SEPHS1: variants seen among roughly 807,000 people sequenced by gnomAD.
SEPHS1 encodes zincore component SEPHS1.
In SEPHS1, 7 loss-of-function variants were observed where a neutral mutation model predicts 39.2. That is an observed-to-expected ratio of 0.18 (90% CI 0.10 to 0.34). The LOEUF is 0.34. Among genes scored for constraint, SEPHS1 ranks in the 10% least tolerant of loss-of-function variants. SEPHS1 has a pLI of 1.00. For missense variants in SEPHS1, 253 were observed against 514.5 expected, an observed-to-expected ratio of 0.49 and a Z score of 4.92; for synonymous variants, 190 against 195.5, an observed-to-expected ratio of 0.97 and a Z score of 0.23.
At chr10:13,328,949 C>G (rs1368275924) in intron 6 of SEPHS1, among the ~76,000 whole-genome samples, 1 of 152,190 alleles carries the variant, frequency 6.6e-6, no homozygotes, top group Non-Finnish European at 1.5e-5. Context: ...GAGAATTTCT[C>G]TACCCTGCGA....
At chr10:13,335,914 A>C (rs1833615800) in intron 4 of SEPHS1, among the ~76,000 whole-genome samples, 1 of 143,082 alleles carries the variant, frequency 7.0e-6, no homozygotes, top group South Asian at 2.3e-4. Context: ...CGGGAGGCGG[A>C]GGTTGCAGTG....
intron 5 of SEPHS1, among the ~76,000 whole-genome samples, chr10:13,333,197 G>C (rs567560342): frequency 2.0e-5 from 3 of 151,260 alleles, no homozygotes; most frequent in Non-Finnish European, 2.9e-5. Flanking sequence ...GCAGTGGCGC[G>C]ATCTTGGCTC....
intron 6 of SEPHS1, 66 bp downstream of exon 6, chr10:13,329,632 C>T: frequency 7.8e-7 from 1 of 1,273,984 alleles, no homozygotes; most frequent in East Asian, 2.5e-5. Flanking sequence ...TTCCCAAATC[C>T]TCCAACAAAA....
chr10:13,327,195 C>G (rs946564414), intron 7 of SEPHS1, among the ~76,000 whole-genome samples: 2 of 130,736 alleles, frequency 1.5e-5, no homozygotes, highest in East Asian at 4.5e-4. Flanking sequence ...GAGCCGAGAT[C>G]ACACCAATGG....
At chr10:13,322,649 T>A (rs535290583) in intron 8 of SEPHS1, among the ~76,000 whole-genome samples, 186 bp downstream of exon 8, 1 of 152,196 alleles carries the variant, frequency 6.6e-6, no homozygotes, top group South Asian at 2.1e-4. Flanking sequence ...GGCTGCTGGA[T>A]CCACCCAGGA....
intron 1 of SEPHS1, among the ~76,000 whole-genome samples, chr10:13,346,611 T>C (rs911335933): frequency 6.7e-6 from 1 of 149,964 alleles, no homozygotes; most frequent in Non-Finnish European, 1.5e-5. Flanking sequence ...CTTAGAGTTA[T>C]GGGAAAGTTT....
At chr10:13,332,905 T>A (rs190975143) in intron 5 of SEPHS1, among the ~76,000 whole-genome samples, 1 of 151,858 alleles carries the variant, frequency 6.6e-6, no homozygotes, top group Non-Finnish European at 1.5e-5. Context: ...TGACACATGC[T>A]ACAAAATAGA....
chr10:13,339,430 C>T (rs1833726780), intron 2 of SEPHS1, among the ~76,000 whole-genome samples: 1 of 152,042 alleles, frequency 6.6e-6, no homozygotes, highest in Non-Finnish European at 1.5e-5. Flanking sequence ...GTCCCAAGAC[C>T]ACCAGTAGTA....
intron 3 of SEPHS1, among the ~76,000 whole-genome samples, chr10:13,336,704 T>C (rs960181078): frequency 1.8e-4 from 28 of 152,166 alleles, no homozygotes; most frequent in Admixed American, 1.6e-3. Context: ...GAACCGACAG[T>C]CTTGGGGGAA....
intron 8 of SEPHS1, among the ~76,000 whole-genome samples, chr10:13,320,187 ATT>A (rs991848446): frequency 1.4e-5 from 2 of 145,986 alleles, no homozygotes; most frequent in Non-Finnish European, 1.5e-5. Context: ...TAGGCCATAA[ATT>A]TTTTTTTTTT....
chr10:13,340,068 T>C (rs970585634), intron 2 of SEPHS1, among the ~76,000 whole-genome samples: 1 of 152,134 alleles, frequency 6.6e-6, no homozygotes, highest in Admixed American at 6.5e-5. Context: ...CAAGTTTAAA[T>C]CATATCTGAA....
At chr10:13,329,538 T>A in intron 6 of SEPHS1, 160 bp downstream of exon 6, 1 of 545,694 alleles carries the variant, frequency 1.8e-6, no homozygotes, top group Non-Finnish European at 3.2e-6. Context: ...AAAACTGTTA[T>A]TTAAAGACTA....
intron 7 of SEPHS1, 102 bp from the exon 8 acceptor site, chr10:13,323,149 G>T: frequency 1.1e-6 from 1 of 898,838 alleles, no homozygotes; most frequent in South Asian, 1.5e-5. Flanking sequence ...TCAGGGAGAT[G>T]ACGTATCGGA....
chr10:13,338,168 G>A (rs545188530), intron 3 of SEPHS1, among the ~76,000 whole-genome samples: 4 of 152,224 alleles, frequency 2.6e-5, no homozygotes, highest in African/African-American at 7.2e-5. Context: ...TATGTACAGC[G>A]GCACATCACA....
At chr10:13,338,945 C>T in intron 2 of SEPHS1, 137 bp from the exon 3 acceptor site, 2 of 687,930 alleles carry the variant, frequency 2.9e-6, no homozygotes, top group Non-Finnish European at 5.3e-6. Flanking sequence ...CATGTGTTTC[C>T]TATCAAGAAG....
At chr10:13,320,103 ACT>A (rs1398515718) in intron 8 of SEPHS1, among the ~76,000 whole-genome samples, 1 of 152,148 alleles carries the variant, frequency 6.6e-6, no homozygotes, top group African/African-American at 2.4e-5. Context: ...TCCAGTCATG[ACT>A]CTGTCATTAT....
chr10:13,323,912 T>C (rs1194241973), intron 7 of SEPHS1, among the ~76,000 whole-genome samples: 2 of 152,126 alleles, frequency 1.3e-5, no homozygotes, highest in Admixed American at 1.3e-4. Flanking sequence ...ATACTACAGA[T>C]ACACTACATT....
At chr10:13,328,286 GA>G (rs760204176) in intron 7 of SEPHS1, 64 bp downstream of exon 7, 6 of 1,155,124 alleles carry the variant, frequency 5.2e-6, no homozygotes, top group Non-Finnish European at 7.7e-6. Context: ...TATGTGGCCA[GA>G]AAAGCCTAAG....
intron 2 of SEPHS1, among the ~76,000 whole-genome samples, chr10:13,342,739 CTT>C (rs954868189): frequency 1.1e-4 from 16 of 145,064 alleles, no homozygotes; most frequent in Admixed American, 1.4e-4. Flanking sequence ...AAACAGTAAT[CTT>C]TTTTTTTTTT....
Sources: gnomAD v4.1 joint callset for allele counts (sites outside exome capture counted in the v4.1 genomes callset) on GRCh38, gnomAD v4.1.1 for gene constraint, MANE v1.5 for transcripts, NCBI Gene and HGNC (gene_info 2026-07-23, HGNC 2026-07-21) for gene names.